The following MGAT4C variants were observed in gnomAD, a reference collection of about 807,000 sequenced individuals.
MGAT4C encodes MGAT4 family member C, also known as alpha-1,3-mannosyl-glycoprotein 4-beta-N-acetylglucosaminyltransferase C.
Under a neutral mutation model 40.1 loss-of-function variants are expected in MGAT4C, and 19 were observed. The observed-to-expected ratio is 0.47, with a 90% CI of 0.33 to 0.70. The LOEUF is 0.70. Among genes scored for constraint, MGAT4C ranks in the 30% least tolerant of loss-of-function variants. MGAT4C has a pLI of 0.02. For missense variants in MGAT4C, 491 were observed against 563.2 expected (o/e 0.87, Z 1.30); for synonymous variants, 181 against 187.1 (o/e 0.97, Z 0.27).
At chr12:86,367,232 CA>C (rs1955616694) in intron 3 of MGAT4C, among the ~76,000 whole-genome samples, 1 of 151,828 alleles carries the variant, frequency 6.6e-6, no homozygotes. Flanking sequence ...AGCTTGAGCA[CA>C]AAAGGAAGTG....
At chr12:86,179,075 C>T (rs1887810030) in intron 1 of MGAT4C, among the ~76,000 whole-genome samples, 1 of 152,196 alleles carries the variant, frequency 6.6e-6, no homozygotes, top group Non-Finnish European at 1.5e-5. Flanking sequence ...AAAATTCCCA[C>T]ATGTTGTGGG....
chr12:86,630,395 T>G (rs542011762), intron 2 of MGAT4C, among the ~76,000 whole-genome samples: 1 of 152,258 alleles, frequency 6.6e-6, no homozygotes, highest in Non-Finnish European at 1.5e-5. Flanking sequence ...CCTCCCTAAC[T>G]CATTTGATGA....
intron 2 of MGAT4C, among the ~76,000 whole-genome samples, chr12:86,589,223 C>T (rs1439716836): frequency 1.3e-5 from 2 of 151,952 alleles, no homozygotes; most frequent in Non-Finnish European, 2.9e-5. Context: ...AAGGGGATAT[C>T]ACCACCAATC....
At chr12:86,714,584 C>G (rs1950612261) in intron 2 of MGAT4C, among the ~76,000 whole-genome samples, 1 of 152,090 alleles carries the variant, frequency 6.6e-6, no homozygotes, top group Non-Finnish European at 1.5e-5. Context: ...TTCATTTGCT[C>G]TTTGCCTGCC....
chr12:85,968,959 T>C lies in MGAT4C; in HGVS notation c.*10330A>G, dbSNP rs1883488548. On this transcript the variant is annotated 3_prime_UTR_variant, in exon 5 of 5. Transcript: ENST00000611864. ...ACTTTGAGATTCTTCATCACTGAAG[T>C]AGCAATAATAATAGTCATTTCTGTT... 6.6e-6 allele frequency: 1 copy of C among 151,868 alleles called. No individual in the cohort carries two copies. The highest frequency in any genetic ancestry group is 2.4e-5 in the African/African-American group (1 of 41,414). 9.4% of individuals were successfully genotyped at this position (151,868 alleles called of 1,614,324 possible). A position where few individuals can be genotyped will look rare whatever the true frequency, so the allele number is the denominator to read the frequency against.
At chr12:86,234,674 C>T (rs1951457438) in intron 1 of MGAT4C, among the ~76,000 whole-genome samples, 1 of 152,102 alleles carries the variant, frequency 6.6e-6, no homozygotes, top group Admixed American at 6.6e-5. Flanking sequence ...TTAATAACCT[C>T]TCTTTTTTCC....
At chr12:86,599,237 C>T (rs578002443) in intron 2 of MGAT4C, among the ~76,000 whole-genome samples, 37 of 152,058 alleles carry the variant, frequency 2.4e-4, no homozygotes, top group Non-Finnish European at 5.2e-4. Context: ...AATGTATATA[C>T]TGCACAATCT....
chr12:86,731,454 A>C (rs2136120329), intron 1 of MGAT4C, among the ~76,000 whole-genome samples: 2 of 152,246 alleles, frequency 1.3e-5, no homozygotes, highest in Middle Eastern at 3.4e-3. Context: ...GTAATTTTTC[A>C]AAATCAAGCC....
At chr12:86,310,104 AG>A (rs970992435) in intron 4 of MGAT4C, among the ~76,000 whole-genome samples, 1 of 152,124 alleles carries the variant, frequency 6.6e-6, no homozygotes, top group Non-Finnish European at 1.5e-5. Context: ...CAGTGAGCTA[AG>A]GGCAAGATGA....
rs79227732 is a variant in MGAT4C, at chr12:86,355,927, T to C, written c.-119-21800A>G. Among the ~76,000 whole-genome samples, 1,000 of 152,226 alleles carry C rather than the reference T, an allele frequency of 6.6e-3. 10 individuals carry two copies. Among genetic ancestry groups the C allele is most frequent in the African/African-American group, 0.023 (955 of 41,546 alleles). On this transcript the variant is annotated intron_variant, in intron 3 of 7. Coordinates refer to the MGAT4C transcript ENST00000548651. ...GCTGTTATAAAAGTTATAAAATTATTTGAGCAGTTTTCAAAGTATGTAGAT... is the reference window on the plus strand; with the variant it reads ...GCTGTTATAAAAGTTATAAAATTATCTGAGCAGTTTTCAAAGTATGTAGAT...
At chr12:86,586,463 T>C (rs7486920) in intron 2 of MGAT4C, among the ~76,000 whole-genome samples, 30,068 of 45,390 alleles carry the variant, frequency 0.66, 11,322 homozygotes, top group East Asian at 0.92. Flanking sequence ...TGGGTATATA[T>C]CCAGTAATGG....
chr12:86,765,078 A>G (rs1951480093), intron 1 of MGAT4C, among the ~76,000 whole-genome samples: 1 of 152,222 alleles, frequency 6.6e-6, no homozygotes. Flanking sequence ...GAGCTACAGG[A>G]AGAAATTCAA....
chr12:86,760,857 G>T (rs1191253685), intron 1 of MGAT4C, among the ~76,000 whole-genome samples: 1 of 152,136 alleles, frequency 6.6e-6, no homozygotes, highest in Non-Finnish European at 1.5e-5. Flanking sequence ...AGTGTATGTG[G>T]TGTATAATTC....
intron 2 of MGAT4C, among the ~76,000 whole-genome samples, chr12:86,029,317 GC>G (rs1319986322): frequency 6.6e-6 from 1 of 151,886 alleles, no homozygotes; most frequent in Non-Finnish European, 1.5e-5. Flanking sequence ...TGAGTGTAAG[GC>G]TGGATCTACT....
intron 1 of MGAT4C, among the ~76,000 whole-genome samples, chr12:86,236,653 A>G (rs1179020460): frequency 6.6e-6 from 1 of 151,998 alleles, no homozygotes; most frequent in East Asian, 1.9e-4. Context: ...TGTGAATATC[A>G]TGGATGGAAA....
intron 4 of MGAT4C, among the ~76,000 whole-genome samples, chr12:86,313,749 G>T (rs745651572): frequency 1.3e-5 from 2 of 152,114 alleles, no homozygotes; most frequent in African/African-American, 4.8e-5. Flanking sequence ...TAATTACCAA[G>T]ATAATTAGAA....
At chr12:86,481,831 G>C (rs886665777) in intron 2 of MGAT4C, among the ~76,000 whole-genome samples, 2 of 151,410 alleles carry the variant, frequency 1.3e-5, no homozygotes, top group Non-Finnish European at 2.9e-5. Flanking sequence ...TTCACAGGCT[G>C]GTCTTGAATT....
At chr12:86,397,375 C>G (rs563450497) in intron 3 of MGAT4C, among the ~76,000 whole-genome samples, 1 of 152,110 alleles carries the variant, frequency 6.6e-6, no homozygotes, top group East Asian at 1.9e-4. Flanking sequence ...ATTTTTTTGC[C>G]TCCAAAACCC....
intron 1 of MGAT4C, among the ~76,000 whole-genome samples, chr12:86,130,913 CAT>C (rs1881079236): frequency 6.6e-6 from 1 of 151,986 alleles, no homozygotes; most frequent in African/African-American, 2.4e-5. Context: ...CCATCACCAT[CAT>C]ATCTCTATTA....
Sources: allele counts gnomAD v4.1 joint callset (sites outside exome capture counted in the v4.1 genomes callset), GRCh38; gene constraint gnomAD v4.1.1; transcripts MANE v1.5; gene names NCBI Gene and HGNC (gene_info 2026-07-23, HGNC 2026-07-21).